MCMDC2: variants seen among roughly 807,000 people sequenced by gnomAD.
MCMDC2 encodes the protein minichromosome maintenance domain-containing protein 2.
Under a neutral mutation model 75.8 loss-of-function variants are expected in MCMDC2, and 54 were observed. The ratio of observed to expected loss-of-function variants is 0.71; its 90% CI spans 0.57 to 0.89. The LOEUF (loss-of-function observed/expected upper bound fraction) is 0.89. Among genes scored for constraint, MCMDC2 ranks in the 40% least tolerant of loss-of-function variants. The pLI is 0.00. For synonymous variants in MCMDC2, 249 were observed against 274.6 expected, an observed-to-expected ratio of 0.91 and a Z score of 0.92; for missense variants, 656 against 780.4, an observed-to-expected ratio of 0.84 and a Z score of 1.90.
chr8:66,883,991 A>G lies in MCMDC2; in HGVS notation c.1070A>G (p.Asp357Gly), dbSNP rs781645885. The G allele has an allele frequency of 3.8e-6, 6 of 1,589,290 alleles. No homozygotes were observed. In the South Asian group the frequency reaches 6.6e-5, roughly 18 times the overall value. ...ATAACAAGTGATACTCTACTCATAG[A>G]CAGGTATATATGTGACATGAATTTT... ...LIITSDTLLI[D>G]RLLNFSINLV... The change falls in exon 9 of 15, where the codon GAC becomes GGC. Residue 357 changes from aspartate to glycine, a missense_variant. Transcript: ENST00000422365.
chr8:66,926,213 G>A (rs1813709892), downstream of MCMDC2: 1 of 152,106 alleles, frequency 6.6e-6, no homozygotes, highest in Non-Finnish European at 1.5e-5. Flanking sequence ...TTATGAACAT[G>A]TTATAATTTG....
rs575248700 is a variant in MCMDC2 at position 66,910,221 on chromosome 8, G to A, written c.1879+4886G>A. 7.1e-4 allele frequency among the ~76,000 whole-genome samples: 108 copies of A among 152,346 alleles called. 1 individual carries two copies. The highest frequency in any genetic ancestry group is 2.4e-3 in the African/African-American group (100 of 41,580). ...AACCTCTGCTAGGGCAGTGAGGAAGGGAAATGTGGGGTTGGACCTCCCACA... is the reference window on the plus strand; with the variant it reads ...AACCTCTGCTAGGGCAGTGAGGAAGAGAAATGTGGGGTTGGACCTCCCACA... On this transcript the variant is annotated intron_variant, in intron 14 of 14. Transcript: ENST00000422365.
chr8:66,880,215 A>C (rs972527598), intron 7 of MCMDC2, among the ~76,000 whole-genome samples: 2 of 152,098 alleles, frequency 1.3e-5, no homozygotes, highest in African/African-American at 4.8e-5. Flanking sequence ...TCAGTTTCTT[A>C]ATATATAAAG....
chr8:66,899,783 A>G (rs1282181786), intron 12 of MCMDC2, among the ~76,000 whole-genome samples: 1 of 150,712 alleles, frequency 6.6e-6, no homozygotes, highest in Non-Finnish European at 1.5e-5. Context: ...GGTGTGAGCC[A>G]CCGTGCCCAG....
rs183039743 is a variant in MCMDC2, at chr8:66,901,630, T to G, written c.1769+282T>G. 648 of 1,088,850 alleles carry G rather than the reference T, an allele frequency of 6.0e-4. 14 individuals carry two copies. The East Asian group carries it at 0.035, about 59-fold the overall frequency. 67.4% of individuals were successfully genotyped at this position (1,088,850 alleles called of 1,614,324 possible). ...CACTGATTTCAAATGCAAATCCTTG[T>G]TTTTAAAAATGTGGCTGTTGGGCGG... is the stretch of plus-strand genomic sequence containing the variant. On this transcript the variant is annotated intron_variant, in intron 13 of 14. Coordinates refer to ENST00000422365, the MANE Select transcript of MCMDC2 (RefSeq NM_173518.5).
chr8:66,915,100 C>T (rs746123454), intron 14 of MCMDC2, among the ~76,000 whole-genome samples: 36 of 151,916 alleles, frequency 2.4e-4, no homozygotes, highest in Non-Finnish European at 4.3e-4. Flanking sequence ...GAGGCCAAAG[C>T]GAAAGGATTG....
intron 14 of MCMDC2, among the ~76,000 whole-genome samples, chr8:66,910,465 A>G (rs1390600089): frequency 3.3e-5 from 5 of 152,224 alleles, no homozygotes; most frequent in Non-Finnish European, 7.3e-5. Flanking sequence ...CTCTTACATC[A>G]GCATTATCTG....
rs189354893 is a variant in MCMDC2 at position 66,918,877 on chromosome 8, C to T, written c.1880-126C>T. The stretch of plus-strand genomic sequence containing the variant: ...TTAATTTTTTGACTTTTATTTTTCA[C>T]AGAACCACATGGGCTCAGACTTAAT... On this transcript the variant is annotated intron_variant, in intron 14 of 14. Transcript: ENST00000422365. The T allele has an allele frequency of 2.6e-4, 209 of 794,550 alleles. No homozygotes were observed. The African/African-American group carries it at 3.3e-3, about 12-fold the overall frequency. The allele number at this position is 794,550 out of a possible 1,614,324, so 49.2% of individuals were successfully genotyped here.
In MCMDC2 at chr8:66,874,602, A is replaced by G. The variant is rs745744225; in HGVS notation, c.285+16A>G. Reference sequence around the variant, plus strand: ...TGAAACGCAAGTAAGTTTTAGTTACATTTAAGCAAACTCAGGTACAGATTT... The same window carrying G: ...TGAAACGCAAGTAAGTTTTAGTTACGTTTAAGCAAACTCAGGTACAGATTT... On this transcript the variant is annotated intron_variant, in intron 4 of 14. Coordinates refer to ENST00000422365, the MANE Select transcript of MCMDC2 (RefSeq NM_173518.5). 13 of 1,604,754 alleles carry G rather than the reference A, an allele frequency of 8.1e-6. No individual in the cohort carries two copies. Among genetic ancestry groups the G allele is most frequent in the Non-Finnish European group, 1.1e-5 (13 of 1,175,150 alleles).
intron 7 of MCMDC2, among the ~76,000 whole-genome samples, chr8:66,880,607 C>G (rs1464357212): frequency 1.3e-5 from 2 of 152,006 alleles, no homozygotes; most frequent in Non-Finnish European, 2.9e-5. Context: ...TGTCTAGTTG[C>G]TATATCACAT....
chr8:66,871,182 T>C (rs901214922), intron 1 of MCMDC2, among the ~76,000 whole-genome samples: 2 of 152,160 alleles, frequency 1.3e-5, no homozygotes, highest in Admixed American at 6.5e-5. Context: ...GCCTCCGCTT[T>C]ACGCAGTGAC....
Position 66,898,284 on chromosome 8 carries a change from CAT to C in MCMDC2, c.1626+1327_1626+1328del, listed in dbSNP as rs1812453638. ...GCCTATTTCCATTCTTTTATATTCTCATAGATATATAAACTTTCTCTTTAGTT... is the reference window on the plus strand; with the variant it reads ...GCCTATTTCCATTCTTTTATATTCTCAGATATATAAACTTTCTCTTTAGTT... On this transcript the variant is annotated intron_variant, in intron 12 of 14. Coordinates refer to ENST00000422365, the MANE Select transcript of MCMDC2 (RefSeq NM_173518.5). Among the ~76,000 whole-genome samples, 4 of 152,084 alleles carry C rather than the reference CAT, an allele frequency of 2.6e-5. No individual in the cohort carries two copies. In the South Asian group the frequency reaches 8.3e-4, roughly 32 times the overall value.
intron 10 of MCMDC2, among the ~76,000 whole-genome samples, chr8:66,891,982 G>A (rs373459037): frequency 9.8e-5 from 15 of 152,332 alleles, no homozygotes; most frequent in Admixed American, 7.8e-4. Context: ...TACCAGCAAC[G>A]GTGGAGCCCC....
chr8:66,874,481 T>G, intron 3 of MCMDC2, 25 bp downstream of exon 3: 1 of 1,612,096 alleles, frequency 6.2e-7, no homozygotes. Flanking sequence ...GAAATAATTT[T>G]ATGCCACATG....
intron 14 of MCMDC2, among the ~76,000 whole-genome samples, chr8:66,911,827 A>G (rs1204805659): frequency 2.0e-5 from 3 of 148,426 alleles, no homozygotes; most frequent in Non-Finnish European, 4.5e-5. Flanking sequence ...TGTCTCAAGA[A>G]AAAAAAAAAA....
At chr8:66,893,178 CT>C (rs929507439) in intron 10 of MCMDC2, among the ~76,000 whole-genome samples, 10 of 152,144 alleles carry the variant, frequency 6.6e-5, no homozygotes, top group African/African-American at 2.2e-4. Context: ...TATAAGTGTG[CT>C]CAGGGCACAT....
chr8:66,897,075 T>C, intron 12 of MCMDC2, 116 bp downstream of exon 12: 2 of 1,003,152 alleles, frequency 2.0e-6, no homozygotes, highest in Non-Finnish European at 2.8e-6. Flanking sequence ...TCCATCTTGG[T>C]TCCAGCTTTT....
intron 13 of MCMDC2, among the ~76,000 whole-genome samples, chr8:66,903,393 ATATTTATT>A (rs1272718842): frequency 6.6e-6 from 1 of 151,994 alleles, no homozygotes; most frequent in Admixed American, 6.6e-5. Flanking sequence ...TTGTAACAAT[ATATTTATT>A]TATTTATTTA....
intron 3 of MCMDC2, 26 bp downstream of exon 3, chr8:66,874,482 A>G (rs375547338): frequency 7.4e-6 from 12 of 1,611,980 alleles, no homozygotes; most frequent in Admixed American, 3.4e-5. Flanking sequence ...AAATAATTTT[A>G]TGCCACATGG....
Sources: gnomAD v4.1 joint callset for allele counts (sites outside exome capture counted in the v4.1 genomes callset) on GRCh38, gnomAD v4.1.1 for gene constraint, MANE v1.5 for transcripts, NCBI Gene and HGNC (gene_info 2026-07-23, HGNC 2026-07-21) for gene names.